Variants in CTNND2 observed in about 807,000 individuals in gnomAD.
CTNND2 encodes catenin delta 2.
CTNND2 carries 22 observed loss-of-function variants against 144.4 expected under a neutral mutation model. That is an observed-to-expected ratio of 0.15 (90% confidence interval 0.11 to 0.22). The LOEUF (loss-of-function observed/expected upper bound fraction) is 0.22, where lower values mean the gene tolerates loss of function less well. Among genes scored for constraint, CTNND2 ranks in the 10% least tolerant of loss-of-function variants. The probability of loss-of-function intolerance (pLI) is 1.00; values close to 1 mark genes in which losing one functional copy is unlikely to be tolerated. For missense variants in CTNND2, 1,353 were observed against 1,618.8 expected, an observed-to-expected ratio of 0.84 and a Z score of 2.82; for synonymous variants, 751 against 695.6, an observed-to-expected ratio of 1.08 and a Z score of -1.25.
intron 3 of CTNND2, among the ~76,000 whole-genome samples, chr5:11,501,200 G>C (rs1770492874): frequency 6.6e-6 from 1 of 152,160 alleles, no homozygotes; most frequent in Admixed American, 6.5e-5. Flanking sequence ...AAATAAAAAG[G>C]CACAGTTGTT....
At chr5:11,176,410 T>C (rs1300627430) in intron 11 of CTNND2, among the ~76,000 whole-genome samples, 1 of 152,180 alleles carries the variant, frequency 6.6e-6, no homozygotes, top group Non-Finnish European at 1.5e-5. Context: ...GACATGTTCA[T>C]TGTTGACAAT....
At chr5:11,345,997 G>T (rs559018322) in intron 9 of CTNND2, among the ~76,000 whole-genome samples, 25 of 152,026 alleles carry the variant, frequency 1.6e-4, no homozygotes, top group African/African-American at 5.6e-4. Flanking sequence ...ATAGAAATAC[G>T]CATGATGACA....
At chr5:11,872,980 A>G (rs1356979617) in intron 1 of CTNND2, among the ~76,000 whole-genome samples, 1 of 152,242 alleles carries the variant, frequency 6.6e-6, no homozygotes, top group Non-Finnish European at 1.5e-5. Flanking sequence ...AATGCCAACA[A>G]AAGCCAAAAT....
chr5:11,079,273 T>C (rs1055307767), intron 16 of CTNND2, among the ~76,000 whole-genome samples: 2 of 121,868 alleles, frequency 1.6e-5, no homozygotes, highest in Non-Finnish European at 3.2e-5. Context: ...CCTGCACCCT[T>C]GCCACGGGGG....
intron 8 of CTNND2, among the ~76,000 whole-genome samples, chr5:11,353,972 C>A (rs1395204739): frequency 6.6e-6 from 1 of 152,002 alleles, no homozygotes; most frequent in Non-Finnish European, 1.5e-5. Context: ...CTAATGTATC[C>A]ACAGTGGACT....
At chr5:11,115,149 C>T (rs968007821) in intron 13 of CTNND2, among the ~76,000 whole-genome samples, 2 of 152,222 alleles carry the variant, frequency 1.3e-5, no homozygotes, top group South Asian at 2.1e-4. Context: ...CCTGAATACT[C>T]CCAATTATTT....
At chr5:11,844,131 C>T (rs568603120) in intron 1 of CTNND2, among the ~76,000 whole-genome samples, 1 of 152,164 alleles carries the variant, frequency 6.6e-6, no homozygotes, top group Non-Finnish European at 1.5e-5. Flanking sequence ...CCACATTCCA[C>T]ATTTCTATGT....
chr5:11,841,331 A>C (rs1581985231), intron 1 of CTNND2, among the ~76,000 whole-genome samples: 1 of 127,048 alleles, frequency 7.9e-6, no homozygotes, highest in East Asian at 2.2e-4. Flanking sequence ...AAACACAAAC[A>C]AAAAAATTAA....
At chr5:11,226,377 C>T (rs1740360627) in intron 10 of CTNND2, among the ~76,000 whole-genome samples, 1 of 152,306 alleles carries the variant, frequency 6.6e-6, no homozygotes, top group Admixed American at 6.5e-5. Flanking sequence ...GTATTTCCTC[C>T]ATAGCCCACA....
At chr5:11,743,754 GGGATCTCAGTGT>G (rs1788152654) in intron 1 of CTNND2, among the ~76,000 whole-genome samples, 1 of 152,024 alleles carries the variant, frequency 6.6e-6, no homozygotes, top group Admixed American at 6.6e-5. Flanking sequence ...GAGAGCTGGT[GGGATCTCAGTGT>G]GGAGCTCATG....
At chr5:11,801,669 T>C (rs1791690226) in intron 1 of CTNND2, among the ~76,000 whole-genome samples, 1 of 152,214 alleles carries the variant, frequency 6.6e-6, no homozygotes, top group South Asian at 2.1e-4. Context: ...CCCTTAGTTA[T>C]ACTGTATTAT....
At chr5:11,638,946 A>AAAACCGG (rs1382518332) in intron 2 of CTNND2, among the ~76,000 whole-genome samples, 3 of 152,178 alleles carry the variant, frequency 2.0e-5, no homozygotes, top group African/African-American at 7.2e-5. Context: ...GATCTGTGAC[A>AAAACCGG]ATTTAAAGAA....
At chr5:11,195,017 A>G (rs1736712329) in intron 11 of CTNND2, among the ~76,000 whole-genome samples, 1 of 152,242 alleles carries the variant, frequency 6.6e-6, no homozygotes, top group South Asian at 2.1e-4. Flanking sequence ...AGAAAATACA[A>G]GAGAAATAAT....
intron 2 of CTNND2, among the ~76,000 whole-genome samples, chr5:11,614,532 C>T (rs919341080): frequency 7.9e-5 from 12 of 152,288 alleles, no homozygotes; most frequent in African/African-American, 2.2e-4. Context: ...AACTCTTGGG[C>T]GTTTAACAAA....
intron 7 of CTNND2, among the ~76,000 whole-genome samples, chr5:11,367,249 G>A (rs751602400): frequency 6.6e-6 from 1 of 152,100 alleles, no homozygotes; most frequent in African/African-American, 2.4e-5. Context: ...ATTGCTCAAG[G>A]GTGGGCACAG....
At chr5:11,602,032 C>G (rs1779820857) in intron 2 of CTNND2, among the ~76,000 whole-genome samples, 1 of 152,078 alleles carries the variant, frequency 6.6e-6, no homozygotes, top group African/African-American at 2.4e-5. Context: ...AAGGCTCAGG[C>G]AGGCATTCCT....
intron 8 of CTNND2, among the ~76,000 whole-genome samples, chr5:11,347,900 C>T (rs1287685003): frequency 6.6e-6 from 1 of 152,058 alleles, no homozygotes; most frequent in Non-Finnish European, 1.5e-5. Flanking sequence ...GAAATTGTGT[C>T]GAAATGATGA....
chr5:11,508,996 G>C (rs1182359776), intron 3 of CTNND2, among the ~76,000 whole-genome samples: 2 of 152,096 alleles, frequency 1.3e-5, no homozygotes, highest in African/African-American at 4.8e-5. Context: ...GTATGGAAGA[G>C]AATAAGTAGA....
At chr5:11,759,964 AT>A (rs1322275431) in intron 1 of CTNND2, among the ~76,000 whole-genome samples, 1 of 151,008 alleles carries the variant, frequency 6.6e-6, no homozygotes, top group Non-Finnish European at 1.5e-5. Flanking sequence ...ACTGATACCA[AT>A]TTGGTAAATT....
Sources: gnomAD v4.1 joint callset for allele counts (sites outside exome capture counted in the v4.1 genomes callset) on GRCh38, gnomAD v4.1.1 for gene constraint, MANE v1.5 for transcripts, NCBI Gene and HGNC (gene_info 2026-07-23, HGNC 2026-07-21) for gene names.